The following CILK1 variants were observed in gnomAD, a reference collection of about 807,000 sequenced individuals.
CILK1 encodes the protein serine/threonine-protein kinase ICK.
Under a neutral mutation model 79.2 loss-of-function variants are expected in CILK1, and 47 were observed. The ratio of observed to expected loss-of-function variants is 0.59; its 90% confidence interval spans 0.47 to 0.76. The LOEUF (loss-of-function observed/expected upper bound fraction) is 0.76, where lower values mean the gene tolerates loss of function less well. Among genes scored for constraint, CILK1 ranks in the 30% least tolerant of loss-of-function variants. The probability of loss-of-function intolerance (pLI) is 0.00; values close to 1 mark genes in which losing one functional copy is unlikely to be tolerated. For synonymous variants in CILK1, 266 were observed against 275.9 expected, an observed-to-expected ratio of 0.96 and a Z score of 0.36; for missense variants, 660 against 769.5, an observed-to-expected ratio of 0.86 and a Z score of 1.68.
rs1763974418 is a variant in CILK1, at chr6:53,002,194, T to A, written c.*2955A>T. The A allele has an allele frequency of 6.6e-6, 1 of 152,206 alleles. No individual in the cohort carries two copies. The highest frequency in any genetic ancestry group is 2.1e-4 in the South Asian group (1 of 4,830). 9.4% of individuals were successfully genotyped at this position (152,206 alleles called of 1,614,324 possible). On this transcript the variant is annotated 3_prime_UTR_variant, in exon 14 of 14. Transcript: ENST00000676107. Reference sequence around the variant, plus strand: ...AATTTTTTTGTAAAATGAACAATCATGTCAAGAGTAGTTTTTATGCAAATG... The same window carrying A: ...AATTTTTTTGTAAAATGAACAATCAAGTCAAGAGTAGTTTTTATGCAAATG...
intron 2 of CILK1, among the ~76,000 whole-genome samples, chr6:53,040,547 C>A (rs544341110): frequency 6.6e-6 from 1 of 152,268 alleles, no homozygotes; most frequent in Admixed American, 6.5e-5. Flanking sequence ...TGGATGAGAC[C>A]CCAGCTTTGG....
chr6:53,028,859 T>C (rs141163214), intron 5 of CILK1, among the ~76,000 whole-genome samples: 52 of 152,144 alleles, frequency 3.4e-4, no homozygotes, highest in Non-Finnish European at 6.8e-4. Context: ...TGAATGTATA[T>C]GTAGGCATAT....
At position 53,012,230 on chromosome 6, in the gene CILK1, G is replaced by A; in HGVS notation, c.1153-3C>T. On this transcript the variant is annotated splice_region_variant and splice_polypyrimidine_tract_variant and intron_variant, in intron 9 of 13. Transcript: ENST00000676107. Reference sequence around the variant, plus strand: ...TGCTCCAGGCCAGCTGTGATTTTCTGTGTAAACAAACGGGGTGGGGGAAAG... The same window carrying A: ...TGCTCCAGGCCAGCTGTGATTTTCTATGTAAACAAACGGGGTGGGGGAAAG... 3 of 1,614,040 alleles carry A rather than the reference G, an allele frequency of 1.9e-6. No homozygotes were observed. Among genetic ancestry groups the A allele is most frequent in the African/African-American group, 1.3e-5 (1 of 75,010 alleles).
At chr6:53,025,186 C>A (rs1765495396) in intron 5 of CILK1, among the ~76,000 whole-genome samples, 1 of 152,120 alleles carries the variant, frequency 6.6e-6, no homozygotes, top group Non-Finnish European at 1.5e-5. Flanking sequence ...TAGATTAATG[C>A]TATTTCCCCT....
chr6:53,031,571 T>C (rs1581724044), intron 4 of CILK1, among the ~76,000 whole-genome samples: 1 of 152,312 alleles, frequency 6.6e-6, no homozygotes, highest in South Asian at 2.1e-4. Context: ...ACAAAAAATG[T>C]GCCCAAGAGG....
chr6:53,028,203 C>T (rs950597987), intron 5 of CILK1, among the ~76,000 whole-genome samples: 2 of 151,846 alleles, frequency 1.3e-5, no homozygotes, highest in African/African-American at 4.8e-5. Context: ...GTAGTCCCAG[C>T]TACTCAGGTG....
In CILK1 at chr6:53,009,503, C is replaced by T; in HGVS notation, c.1557G>A (p.Trp519Ter). The T allele has an allele frequency of 6.2e-7, 1 of 1,612,456 alleles. No homozygotes were observed. The highest frequency in any genetic ancestry group is 8.5e-7 in the Non-Finnish European group (1 of 1,178,456). ...PGKEFIPPNP[W>*]SSSGLSGKSS... ...ATTTTCCAGACAAGCCAGAACTAGA[C>T]CATGGATTAGGTGGAATAAATTCCT... is the stretch of plus-strand genomic sequence containing the variant. Residue 519 changes from tryptophan to a stop codon, truncating the protein, a stop_gained, in exon 12 of 14, where the codon TGG becomes TGA. Transcript: ENST00000676107. LOFTEE classifies it high-confidence loss of function.
At position 53,012,375 on chromosome 6, in the gene CILK1, C is replaced by T. The variant is rs138547042; in HGVS notation, c.1153-148G>A. On this transcript the variant is annotated intron_variant, in intron 9 of 13. Coordinates refer to ENST00000676107, the MANE Select transcript of CILK1 (RefSeq NM_014920.5). ...TCTGAAGGGGCAACTGTAGAAAACA[C>T]ATTCCCAATCTTTCTGTCTCACTCA... is the stretch of plus-strand genomic sequence containing the variant. 173 of 718,278 alleles carry T rather than the reference C, an allele frequency of 2.4e-4. 1 individual carries two copies. The East Asian group carries it at 4.6e-3, about 19-fold the overall frequency. 44.5% of individuals were successfully genotyped at this position (718,278 alleles called of 1,614,324 possible). A position where few individuals can be genotyped will look rare whatever the true frequency, so the allele number is the denominator to read the frequency against.
At chr6:53,048,755 G>A (rs1397374493) in intron 1 of CILK1, among the ~76,000 whole-genome samples, 10 of 152,192 alleles carry the variant, frequency 6.6e-5, no homozygotes, top group African/African-American at 2.4e-4. Context: ...ATTTTACTCA[G>A]GATTCGACAT....
chr6:53,004,334 C>A lies in CILK1; in HGVS notation c.*815G>T, dbSNP rs1288686000. 1 of 152,154 alleles carries A rather than the reference C, an allele frequency of 6.6e-6. No individual in the cohort carries two copies. The highest frequency in any genetic ancestry group is 2.4e-5 in the African/African-American group (1 of 41,410). 9.4% of individuals were successfully genotyped at this position (152,154 alleles called of 1,614,324 possible). On this transcript the variant is annotated 3_prime_UTR_variant, in exon 14 of 14. Coordinates refer to ENST00000676107, the MANE Select transcript of CILK1 (RefSeq NM_014920.5). The stretch of plus-strand genomic sequence containing the variant: ...CTGTGTTAACCTTCATGTTGAGAGC[C>A]TTTTGAAGCAGAAATCTCTTTTATT...
At chr6:53,029,867 T>C (rs556395805) in intron 5 of CILK1, among the ~76,000 whole-genome samples, 3 of 152,318 alleles carry the variant, frequency 2.0e-5, no homozygotes, top group East Asian at 1.9e-4. Context: ...TTTCTACCTA[T>C]GCAAAATCAG....
chr6:53,019,788 G>A (rs1765119181), intron 5 of CILK1, among the ~76,000 whole-genome samples: 1 of 151,788 alleles, frequency 6.6e-6, no homozygotes, highest in Non-Finnish European at 1.5e-5. Flanking sequence ...CTTCCAAGTA[G>A]CTGGGACTAC....
At chr6:53,042,424 T>C (rs1206177301) in intron 1 of CILK1, among the ~76,000 whole-genome samples, 1 of 152,164 alleles carries the variant, frequency 6.6e-6, no homozygotes, top group Non-Finnish European at 1.5e-5. Context: ...AATGTAAACA[T>C]ACAAAAGCTA....
intron 1 of CILK1, among the ~76,000 whole-genome samples, chr6:53,057,566 A>C (rs913218809): frequency 6.7e-6 from 1 of 149,136 alleles, no homozygotes; most frequent in Non-Finnish European, 1.5e-5. Flanking sequence ...GTTCAGAGGC[A>C]TTATCTTTTA....
chr6:53,016,530 T>C (rs564197029), intron 7 of CILK1, among the ~76,000 whole-genome samples: 1 of 152,294 alleles, frequency 6.6e-6, no homozygotes, highest in South Asian at 2.1e-4. Flanking sequence ...GATTTTGGGA[T>C]TGAAACAAAT....
chr6:53,026,575 G>A (rs1425052695), intron 5 of CILK1, among the ~76,000 whole-genome samples: 1 of 152,164 alleles, frequency 6.6e-6, no homozygotes, highest in Non-Finnish European at 1.5e-5. Flanking sequence ...AGGCAGACAT[G>A]GCTCCATTTT....
chr6:53,014,172 T>C (rs1478279880), intron 8 of CILK1, among the ~76,000 whole-genome samples, 190 bp from the exon 9 acceptor site: 2 of 152,230 alleles, frequency 1.3e-5, no homozygotes, highest in Non-Finnish European at 2.9e-5. Context: ...TATGTAATGA[T>C]TGCAACACAA....
Position 53,014,955 on chromosome 6 carries a change from T to A in CILK1, c.832-973A>T, listed in dbSNP as rs371033906. 4.6e-5 allele frequency among the ~76,000 whole-genome samples: 7 copies of A among 152,348 alleles called. No homozygotes were observed. The South Asian group carries it at 8.3e-4, about 18-fold the overall frequency. On this transcript the variant is annotated intron_variant, in intron 8 of 13. Coordinates refer to ENST00000676107, the MANE Select transcript of CILK1 (RefSeq NM_014920.5). ...AGCTTCTTTTCTGCCCTGCAGCCAT[T>A]TGTGAATTTCACCACCAGAACTGCA... is the stretch of plus-strand genomic sequence containing the variant.
intron 5 of CILK1, among the ~76,000 whole-genome samples, chr6:53,028,089 G>A (rs1765692468): frequency 6.7e-6 from 1 of 148,588 alleles, no homozygotes; most frequent in Non-Finnish European, 1.5e-5. Context: ...GGAACTTGCA[G>A]TAAGCTGAGA....
Sources: gnomAD v4.1 joint callset for allele counts (sites outside exome capture counted in the v4.1 genomes callset) on GRCh38, gnomAD v4.1.1 for gene constraint, MANE v1.5 for transcripts, NCBI Gene and HGNC (gene_info 2026-07-23, HGNC 2026-07-21) for gene names.